Variants in SCARA5 observed in about 807,000 individuals in gnomAD.
SCARA5 encodes the protein scavenger receptor class A, member 5 (putative).
SCARA5 carries 45 observed loss-of-function variants against 46.3 expected under a neutral mutation model. The observed-to-expected ratio is 0.97, with a 90% CI of 0.76 to 1.24. The LOEUF (loss-of-function observed/expected upper bound fraction) is 1.24, where lower values mean the gene tolerates loss of function less well. Ranked by LOEUF, SCARA5 falls within the 50% of genes most tolerant of loss-of-function variation. The probability of loss-of-function intolerance (pLI) is 0.00; values close to 1 mark genes in which losing one functional copy is unlikely to be tolerated. For missense variants in SCARA5, 680 were observed against 689.0 expected (o/e 0.99, Z 0.15); for synonymous variants, 333 against 306.5 (o/e 1.09, Z -0.90).
intron 1 of SCARA5, among the ~76,000 whole-genome samples, chr8:27,989,554 CT>C (rs1347244507): frequency 6.6e-6 from 1 of 152,228 alleles, no homozygotes; most frequent in African/African-American, 2.4e-5. Flanking sequence ...CTGGACGCCT[CT>C]GCTGTTAGCC....
intron 2 of SCARA5, among the ~76,000 whole-genome samples, chr8:27,967,009 G>A (rs570804040): frequency 1.3e-5 from 2 of 152,342 alleles, no homozygotes; most frequent in South Asian, 4.1e-4. Context: ...CCAACGGCAC[G>A]TGCCTGCTCT....
chr8:27,903,916 G>C (rs1807206009), intron 7 of SCARA5, among the ~76,000 whole-genome samples: 1 of 152,192 alleles, frequency 6.6e-6, no homozygotes, highest in Non-Finnish European at 1.5e-5. Context: ...ACGTGGGACA[G>C]AGCCAACTAA....
chr8:27,990,953 G>A (rs898949145), intron 1 of SCARA5, among the ~76,000 whole-genome samples: 2 of 152,202 alleles, frequency 1.3e-5, no homozygotes, highest in African/African-American at 4.8e-5. Context: ...CACTTAGAAG[G>A]GCAGGTTCAG....
chr8:27,920,120 T>C (rs1807559578), intron 4 of SCARA5, among the ~76,000 whole-genome samples: 1 of 151,872 alleles, frequency 6.6e-6, no homozygotes, highest in Non-Finnish European at 1.5e-5. Context: ...CTTGGTTCTA[T>C]CATTTGTGGG....
chr8:27,904,797 T>C lies in SCARA5; in HGVS notation c.1134A>G (p.Gly378=). 6.2e-7 allele frequency: 1 copy of C among 1,612,402 alleles called. No individual in the cohort carries two copies. Among genetic ancestry groups the C allele is most frequent in the Non-Finnish European group, 8.5e-7 (1 of 1,179,242 alleles). The change falls in exon 7 of 9, where the codon GGA becomes GGG. Residue 378 remains glycine (G), a synonymous_variant. Coordinates refer to ENST00000354914, the MANE Select transcript of SCARA5 (RefSeq NM_173833.6). ...CCTTACTGGCATCCCCAGCTCTGTCTCCTTTCTCTCCTTTCTCTCCTTTTG... is the reference window on the plus strand; with the variant it reads ...CCTTACTGGCATCCCCAGCTCTGTCCCCTTTCTCTCCTTTCTCTCCTTTTG... ...RGPKGEKGEK[G]DRAGDASGVE...
chr8:27,933,618 A>G (rs1191980856), intron 3 of SCARA5, among the ~76,000 whole-genome samples: 2 of 152,064 alleles, frequency 1.3e-5, no homozygotes, highest in Admixed American at 1.3e-4. Context: ...ATAAATATAA[A>G]CTTATATAAC....
At position 27,909,668 on chromosome 8, in the gene SCARA5, A is replaced by C; in HGVS notation, c.992T>G (p.Leu331Arg). 1.3e-6 allele frequency: 2 copies of C among 1,548,634 alleles called. No individual in the cohort carries two copies. Among genetic ancestry groups the C allele is most frequent in the Non-Finnish European group, 1.7e-6 (2 of 1,144,378 alleles). ...CCCAGGGGCACGCTCATTACCTCGA[A>C]GTCCAGGCAATCCAGGGATGCCAGG... ...GRPGIPGLPGLRGLPGERGTP... is the reference protein window; with the variant it reads ...GRPGIPGLPGRRGLPGERGTP... The change falls in exon 5 of 9, where the codon CTT (leucine) becomes CGT (arginine). Residue 331 changes from leucine (L) to arginine (R), a missense_variant. Physicochemically the swap from Leu to Arg is moderately radical, Grantham distance 102 (BLOSUM62 -2). Around this residue, in one of 3 missense-constraint regions of SCARA5, gnomAD observed 219 missense variants for 269.5 expected, o/e 0.81. Transcript: ENST00000354914.
chr8:27,959,786 C>T (rs1228444208), intron 3 of SCARA5, among the ~76,000 whole-genome samples: 2 of 152,212 alleles, frequency 1.3e-5, no homozygotes, highest in African/African-American at 2.4e-5. Context: ...AAGCACAACA[C>T]CATGTCTGTC....
chr8:27,922,189 G>C lies in SCARA5; in HGVS notation c.298C>G (p.Arg100Gly). 4 of 1,601,274 alleles carry C rather than the reference G, an allele frequency of 2.5e-6. No homozygotes were observed. The highest frequency in any genetic ancestry group is 3.4e-6 in the Non-Finnish European group (4 of 1,174,172). The change falls in exon 4 of 9, where the codon CGG (arginine) becomes GGG (glycine). Residue 100 changes from arginine to glycine, a missense_variant. Arg to Gly is a moderately radical substitution (Grantham distance 125, BLOSUM62 -2). This residue lies in a region of SCARA5 where 438 missense variants were observed against 384.5 expected (regional missense o/e 1.14). Coordinates refer to ENST00000354914, the MANE Select transcript of SCARA5 (RefSeq NM_173833.6). ...DLKALTRNVN[R>G]LNESFRDLQL... ...AAGTCCCGGAAGCTCTCATTCAGCC[G>C]GTTCACATTGCGAGTCAGGGCCTTC...
chr8:27,962,684 G>A (rs370557190), intron 3 of SCARA5, among the ~76,000 whole-genome samples: 2 of 152,174 alleles, frequency 1.3e-5, no homozygotes, highest in South Asian at 4.1e-4. Context: ...ACAACTCTCC[G>A]CAGGCCAAGC....
chr8:27,988,943 G>A (rs1808744391), intron 1 of SCARA5, among the ~76,000 whole-genome samples: 1 of 152,074 alleles, frequency 6.6e-6, no homozygotes, highest in Admixed American at 6.6e-5. Context: ...GCAGTGGGGG[G>A]ACAATGCCTG....
chr8:27,989,125 C>CTTT (rs1343447251), intron 1 of SCARA5, among the ~76,000 whole-genome samples: 1 of 118,736 alleles, frequency 8.4e-6, no homozygotes, highest in African/African-American at 3.4e-5. Flanking sequence ...CTGTTTCTTT[C>CTTT]TTTCTTTTTT....
rs186064739 is a variant in SCARA5, at chr8:27,944,827, G to A, written c.241+21587C>T. Among the ~76,000 whole-genome samples, 279 of 152,112 alleles carry A rather than the reference G, an allele frequency of 1.8e-3. 3 individuals carry two copies. Among genetic ancestry groups the A allele is most frequent in the African/African-American group, 6.3e-3 (261 of 41,508 alleles). On this transcript the variant is annotated intron_variant, in intron 3 of 8. Transcript: ENST00000354914. ...AGAGGTTGCAGTGAGCCGAGATCAC[G>A]CCACTGCACTCGTCTGGGCGACAGA...
intron 5 of SCARA5, among the ~76,000 whole-genome samples, chr8:27,908,346 G>A (rs1563520718): frequency 2.6e-5 from 4 of 152,304 alleles, no homozygotes; most frequent in Middle Eastern, 3.4e-3. Context: ...CTGCGGTGAC[G>A]GTGCCGGCGC....
intron 3 of SCARA5, among the ~76,000 whole-genome samples, chr8:27,927,317 C>A (rs573194621): frequency 5.9e-5 from 9 of 152,318 alleles, no homozygotes; most frequent in African/African-American, 2.2e-4. Flanking sequence ...CAATCATCCA[C>A]CCCTTCCCAG....
chr8:27,929,589 A>G (rs1807735619), intron 3 of SCARA5, among the ~76,000 whole-genome samples: 1 of 152,200 alleles, frequency 6.6e-6, no homozygotes, highest in South Asian at 2.1e-4. Context: ...TCATTTAAGG[A>G]TGAGAAAAGA....
chr8:27,967,821 G>A (rs1334853014), intron 2 of SCARA5, among the ~76,000 whole-genome samples: 6 of 152,166 alleles, frequency 3.9e-5, no homozygotes. Context: ...GCTGAGGCAG[G>A]ACAATCACTT....
intron 4 of SCARA5, among the ~76,000 whole-genome samples, chr8:27,914,789 C>G (rs1807434656): frequency 6.6e-6 from 1 of 152,208 alleles, no homozygotes; most frequent in East Asian, 1.9e-4. Context: ...CCACTCCCCT[C>G]ATGCTCCCCT....
At chr8:27,901,459 G>A (rs184474467) in intron 7 of SCARA5, among the ~76,000 whole-genome samples, 27 of 152,214 alleles carry the variant, frequency 1.8e-4, no homozygotes, top group Middle Eastern at 3.4e-3. Context: ...TTCCCAGGGC[G>A]CAGGGAATGA....
Sources: allele counts gnomAD v4.1 joint callset (sites outside exome capture counted in the v4.1 genomes callset), GRCh38; gene constraint gnomAD v4.1.1; regional missense constraint gnomAD v4.1.1; transcripts MANE v1.5; gene names NCBI Gene and HGNC (gene_info 2026-07-23, HGNC 2026-07-21).